PTPRT: variants seen among roughly 807,000 people sequenced by gnomAD.
PTPRT encodes the protein protein tyrosine phosphatase receptor type T.
Under a neutral mutation model 176.8 loss-of-function variants are expected in PTPRT, and 56 were observed. That is an observed-to-expected ratio of 0.32 (90% CI 0.26 to 0.40). The LOEUF is 0.40. Ranked by LOEUF, PTPRT falls within the 10% of genes least tolerant of loss-of-function variation. The probability of loss-of-function intolerance (pLI) is 1.00; values close to 1 mark genes in which losing one functional copy is unlikely to be tolerated. For missense variants in PTPRT, 1,540 were observed against 1,908.2 expected (o/e 0.81, Z 3.60); for synonymous variants, 783 against 739.0 (o/e 1.06, Z -0.96).
intron 2 of PTPRT, among the ~76,000 whole-genome samples, chr20:42,869,355 T>C (rs946196408): frequency 6.6e-6 from 1 of 151,966 alleles, no homozygotes; most frequent in Non-Finnish European, 1.5e-5. Flanking sequence ...AGCAAAGCCA[T>C]GAAGAATGGG....
At chr20:42,432,888 A>G (rs2059227735) in intron 9 of PTPRT, among the ~76,000 whole-genome samples, 1 of 152,172 alleles carries the variant, frequency 6.6e-6, no homozygotes, top group Admixed American at 6.6e-5. Flanking sequence ...TTGCCACCCT[A>G]AAACTATAAT....
intron 9 of PTPRT, among the ~76,000 whole-genome samples, chr20:42,370,023 C>A (rs1354983891): frequency 6.6e-6 from 1 of 151,568 alleles, no homozygotes. Context: ...CATGTCCCCT[C>A]CTCTCTCTGT....
chr20:42,941,696 G>A (rs1048074257), intron 1 of PTPRT, among the ~76,000 whole-genome samples: 5 of 151,978 alleles, frequency 3.3e-5, no homozygotes, highest in African/African-American at 1.2e-4. Flanking sequence ...TAGTGAGACA[G>A]CAGAAAGAGA....
intron 2 of PTPRT, among the ~76,000 whole-genome samples, chr20:42,793,208 G>A (rs1298494352): frequency 1.3e-5 from 2 of 152,140 alleles, no homozygotes; most frequent in African/African-American, 4.8e-5. Context: ...AAATATAAGG[G>A]ATACAAGTGC....
chr20:42,472,106 G>A (rs2071207752), intron 8 of PTPRT, among the ~76,000 whole-genome samples, 160 bp downstream of exon 8: 2 of 152,358 alleles, frequency 1.3e-5, no homozygotes, highest in African/African-American at 2.4e-5. Flanking sequence ...GTTGTGCAAT[G>A]CACAGTTTAC....
At chr20:42,690,668 C>T (rs1056264859) in intron 6 of PTPRT, among the ~76,000 whole-genome samples, 4 of 152,208 alleles carry the variant, frequency 2.6e-5, no homozygotes, top group African/African-American at 9.6e-5. Context: ...ATGCCCAATA[C>T]ACTTCATCCC....
chr20:42,971,182 A>C (rs1982615799), intron 1 of PTPRT: 1 of 152,242 alleles, frequency 6.6e-6, no homozygotes. Flanking sequence ...TCAGCAATGC[A>C]TGTCAGAAAG....
Position 42,248,785 on chromosome 20 carries a change from C to T in PTPRT, c.2214G>A (p.Glu738=). ...STQNSNTVEP[E]KQVDNTVKMA... ...TCTTCACGGTGTTGTCCACCTGCTTCTCTGGCTCCACAGTGTTAGAATTCT... is the reference window on the plus strand; with the variant it reads ...TCTTCACGGTGTTGTCCACCTGCTTTTCTGGCTCCACAGTGTTAGAATTCT... Residue 738 remains glutamate, a synonymous_variant, in exon 14 of 31, where the codon GAG becomes GAA. Coordinates refer to ENST00000373187, the MANE Select transcript of PTPRT (RefSeq NM_007050.6). The T allele has an allele frequency of 6.2e-7, 1 of 1,614,090 alleles. No homozygotes were observed. The highest frequency in any genetic ancestry group is 8.5e-7 in the Non-Finnish European group (1 of 1,179,986).
intron 1 of PTPRT, among the ~76,000 whole-genome samples, chr20:43,025,689 C>T (rs1985880813): frequency 1.3e-5 from 2 of 152,148 alleles, no homozygotes; most frequent in African/African-American, 4.8e-5. Flanking sequence ...CTTTGCTTCC[C>T]AGGACTTGTC....
chr20:42,334,804 A>G (rs1023307134), intron 11 of PTPRT, among the ~76,000 whole-genome samples: 3 of 152,242 alleles, frequency 2.0e-5, no homozygotes, highest in Non-Finnish European at 4.4e-5. Context: ...AGAACTGAAT[A>G]CGATAATAAT....
chr20:43,057,010 A>G (rs893057521), intron 1 of PTPRT, among the ~76,000 whole-genome samples: 3 of 152,020 alleles, frequency 2.0e-5, no homozygotes, highest in Non-Finnish European at 1.5e-5. Flanking sequence ...TGCTGAGGGA[A>G]AAAAGGCCAA....
chr20:42,268,785 A>G (rs2056881446), intron 13 of PTPRT, among the ~76,000 whole-genome samples: 1 of 152,236 alleles, frequency 6.6e-6, no homozygotes, highest in Non-Finnish European at 1.5e-5. Flanking sequence ...ACAGGTGTCC[A>G]TGGCAGTACA....
chr20:42,573,744 TCTTTC>T (rs2073202247), intron 7 of PTPRT, among the ~76,000 whole-genome samples: 1 of 121,828 alleles, frequency 8.2e-6, no homozygotes, highest in African/African-American at 3.3e-5. Context: ...ACCCTTTCTT[TCTTTC>T]TTTTTTTTTT....
At chr20:42,964,566 A>C (rs547321668) in intron 1 of PTPRT, among the ~76,000 whole-genome samples, 7 of 152,246 alleles carry the variant, frequency 4.6e-5, no homozygotes, top group Non-Finnish European at 8.8e-5. Context: ...ATTTAATACA[A>C]CTCTCTTTAA....
chr20:42,053,956 G>A, the PTPRT span, among the ~76,000 whole-genome samples: 1 of 152,166 alleles, frequency 6.6e-6, no homozygotes, highest in African/African-American at 2.4e-5. Flanking sequence ...TTTGGGGCAG[G>A]AATCTGGGCT....
rs774999271 is a variant in PTPRT at position 42,156,032 on chromosome 20, C to T, written c.2682+5320G>A. 1.2e-3 allele frequency among the ~76,000 whole-genome samples: 187 copies of T among 152,268 alleles called. 1 individual carries two copies. The highest frequency in any genetic ancestry group is 1.6e-3 in the Non-Finnish European group (108 of 68,020). On this transcript the variant is annotated intron_variant, in intron 17 of 30. Coordinates refer to ENST00000373187, the MANE Select transcript of PTPRT (RefSeq NM_007050.6). ...TCTCCCTCCATGCTTCCTCCCAAAC[C>T]GTTTCTGGTTCCCCTCACTCAACCT...
At chr20:42,957,886 C>T (rs917883261) in intron 1 of PTPRT, among the ~76,000 whole-genome samples, 1 of 152,046 alleles carries the variant, frequency 6.6e-6, no homozygotes, top group African/African-American at 2.4e-5. Context: ...CAGGAGTGCC[C>T]TGTGCAGAAT....
At chr20:42,360,430 C>A (rs1002220596) in intron 9 of PTPRT, among the ~76,000 whole-genome samples, 2 of 152,190 alleles carry the variant, frequency 1.3e-5, no homozygotes, top group Non-Finnish European at 2.9e-5. Flanking sequence ...TCAACTCAGA[C>A]GGCTCTAAGC....
At chr20:42,105,415 C>T (rs1986347681) in intron 24 of PTPRT, among the ~76,000 whole-genome samples, 1 of 152,148 alleles carries the variant, frequency 6.6e-6, no homozygotes, top group African/African-American at 2.4e-5. Context: ...TTCTTTGTAC[C>T]TGCTGTACTC....
Sources: allele counts gnomAD v4.1 joint callset (sites outside exome capture counted in the v4.1 genomes callset), GRCh38; gene constraint gnomAD v4.1.1; transcripts MANE v1.5; gene names NCBI Gene and HGNC (gene_info 2026-07-23, HGNC 2026-07-21).